PUDP: variants seen among roughly 807,000 people sequenced by gnomAD.
PUDP encodes pseudouridine 5'-phosphatase.
In PUDP, 8 loss-of-function variants were observed where a neutral mutation model predicts 9.4. That is an observed-to-expected ratio of 0.85 (90% CI 0.50 to 1.53). The LOEUF (loss-of-function observed/expected upper bound fraction) is 1.53. PUDP is among the 40% of genes most tolerant of loss of function. The probability of loss-of-function intolerance (pLI) is 0.00; values close to 1 mark genes in which losing one functional copy is unlikely to be tolerated. For synonymous variants in PUDP, 99 were observed against 80.7 expected (o/e 1.23, Z -1.22); for missense variants, 188 against 189.7 (o/e 0.99, Z 0.05).
intron 3 of PUDP, among the ~76,000 whole-genome samples, chrX:6,734,129 C>G (rs1602601791): frequency 1.8e-5 from 2 of 110,854 alleles, no homozygotes; most frequent in Non-Finnish European, 1.9e-5. Flanking sequence ...GGGATCCAGA[C>G]TGCTTCCACC....
chrX:6,763,696 T>G (rs1049677524), intron 3 of PUDP, among the ~76,000 whole-genome samples: 2 of 112,103 alleles, frequency 1.8e-5, no homozygotes, highest in African/African-American at 6.5e-5. Flanking sequence ...CTGTTTTAAA[T>G]AACATTGTTG....
intron 3 of PUDP, among the ~76,000 whole-genome samples, chrX:6,884,438 A>C (rs949954219): frequency 6.3e-5 from 7 of 111,878 alleles, no homozygotes; most frequent in Non-Finnish European, 1.1e-4. Flanking sequence ...TGTAAGCCTC[A>C]TGAGAGAAAA....
intron 3 of PUDP, among the ~76,000 whole-genome samples, chrX:6,770,998 C>T (rs1266345382): frequency 8.9e-6 from 1 of 111,757 alleles, no homozygotes; most frequent in Non-Finnish European, 1.9e-5. Flanking sequence ...TTAAATCATT[C>T]CAAATAAGTT....
intron 3 of PUDP, among the ~76,000 whole-genome samples, chrX:6,745,958 T>G (rs1336376927): frequency 8.9e-6 from 1 of 111,957 alleles, no homozygotes; most frequent in Non-Finnish European, 1.9e-5. Context: ...ATGTCCTCTT[T>G]CATTGACCCA....
rs1930028527 is a variant in PUDP at position 7,049,199 on chromosome X, A to C, written c.*1097T>G. Reference sequence around the variant, plus strand: ...ACATCAAAGGGCAGAGGCCCCTAGGAAGGGCTGAGCCACAATGAAGCAGTG... The same window carrying C: ...ACATCAAAGGGCAGAGGCCCCTAGGCAGGGCTGAGCCACAATGAAGCAGTG... On this transcript the variant is annotated 3_prime_UTR_variant, in exon 4 of 4. Transcript: ENST00000381077. The C allele has an allele frequency of 8.9e-6, 1 of 112,199 alleles. No individual in the cohort carries two copies. The highest frequency in any genetic ancestry group is 3.2e-5 in the African/African-American group (1 of 30,863). 9.2% of individuals were successfully genotyped at this position (112,199 alleles called of 1,213,427 possible).
chrX:6,866,732 G>A (rs1927092681), intron 3 of PUDP, among the ~76,000 whole-genome samples: 1 of 112,263 alleles, frequency 8.9e-6, no homozygotes, highest in South Asian at 3.7e-4. Context: ...CAATTCTTTT[G>A]ACGACTGTGT....
At chrX:6,828,231 A>T (rs1233186919) in intron 3 of PUDP, among the ~76,000 whole-genome samples, 5 of 111,462 alleles carry the variant, frequency 4.5e-5, no homozygotes, top group Non-Finnish European at 9.4e-5. Context: ...TGGAACAAAG[A>T]TGTCAGCGAA....
At chrX:6,765,073 C>T (rs1281902983) in intron 3 of PUDP, among the ~76,000 whole-genome samples, 7 of 107,093 alleles carry the variant, frequency 6.5e-5, no homozygotes, top group Non-Finnish European at 1.9e-5. Context: ...TTGACACCAG[C>T]CTGGGCAACG....
intron 1 of PUDP, among the ~76,000 whole-genome samples, chrX:7,043,011 C>T (rs757252638): frequency 7.2e-5 from 8 of 111,583 alleles, no homozygotes; most frequent in Non-Finnish European, 1.3e-4. Context: ...CTGTGAACAC[C>T]GGCCACCCTC....
At chrX:6,836,654 T>G (rs1357857802) in intron 3 of PUDP, among the ~76,000 whole-genome samples, 1 of 112,491 alleles carries the variant, frequency 8.9e-6, no homozygotes, top group Admixed American at 9.4e-5. Flanking sequence ...GGCTTTCCAA[T>G]TTTAAAAACT....
At chrX:7,094,035 G>C (rs1356132987) in intron 2 of PUDP, among the ~76,000 whole-genome samples, 1 of 111,321 alleles carries the variant, frequency 9.0e-6, no homozygotes, top group East Asian at 2.8e-4. Context: ...CTTGGGTTTG[G>C]GGGGATCACT....
At position 6,744,479 on chromosome X, in the gene PUDP, T is replaced by G. The variant is rs1346167457; in HGVS notation, c.*248-38013A>C. On this transcript the variant is annotated intron_variant and NMD_transcript_variant, in intron 3 of 3. Transcript: ENST00000655425. ...CTTTTGCAACTATTTAAAATTATGATGGAAAGTGTATATATTACCCTGGTA... is the reference window on the plus strand; with the variant it reads ...CTTTTGCAACTATTTAAAATTATGAGGGAAAGTGTATATATTACCCTGGTA... Among the ~76,000 whole-genome samples the G allele has an allele frequency of 2.8e-4, 31 of 112,147 alleles. No individual in the cohort carries two copies. The Admixed American group carries it at 2.9e-3, about 11-fold the overall frequency.
chrX:7,071,773 C>A (rs1352921258), intron 3 of PUDP, among the ~76,000 whole-genome samples: 1 of 67,758 alleles, frequency 1.5e-5, no homozygotes, highest in Non-Finnish European at 2.9e-5. Context: ...AGAATGTACT[C>A]TCTATTTTTT....
intron 3 of PUDP, among the ~76,000 whole-genome samples, chrX:6,851,810 CT>C (rs1355604031): frequency 9.0e-6 from 1 of 111,301 alleles, no homozygotes; most frequent in Non-Finnish European, 1.9e-5. Flanking sequence ...CCAACTCTTG[CT>C]CCACTCCCAA....
At chrX:7,012,210 T>C (rs1475510486) in intron 1 of PUDP, among the ~76,000 whole-genome samples, 1 of 112,091 alleles carries the variant, frequency 8.9e-6, no homozygotes, top group African/African-American at 3.3e-5. Context: ...GGATAATAGA[T>C]ACCCCTGAGC....
intron 3 of PUDP, among the ~76,000 whole-genome samples, chrX:6,926,417 C>T (rs1409870171): frequency 1.8e-5 from 2 of 112,108 alleles, no homozygotes; most frequent in African/African-American, 6.5e-5. Flanking sequence ...TGTGGATACA[C>T]TTAAATGGGA....
At chrX:6,984,884 A>AC (rs1929084025) in intron 1 of PUDP, among the ~76,000 whole-genome samples, 1 of 111,913 alleles carries the variant, frequency 8.9e-6, no homozygotes, top group Admixed American at 9.7e-5. Context: ...AGGTGATTCA[A>AC]TACCAACTGG....
chrX:6,772,820 T>C (rs1925390035), intron 3 of PUDP, among the ~76,000 whole-genome samples: 1 of 109,394 alleles, frequency 9.1e-6, no homozygotes, highest in Admixed American at 9.8e-5. Flanking sequence ...ACCCAGGACA[T>C]TAAGGTTGTA....
chrX:6,773,228 T>C (rs759740527), intron 3 of PUDP, among the ~76,000 whole-genome samples: 1 of 112,055 alleles, frequency 8.9e-6, no homozygotes, highest in African/African-American at 3.2e-5. Flanking sequence ...TCAAAATCTT[T>C]TTGGTCTACA....
Sources: allele counts gnomAD v4.1 joint callset (sites outside exome capture counted in the v4.1 genomes callset), GRCh38; gene constraint gnomAD v4.1.1; transcripts MANE v1.5; gene names NCBI Gene and HGNC (gene_info 2026-07-23, HGNC 2026-07-21).